MEGF6: variants seen among roughly 807,000 people sequenced by gnomAD.
MEGF6 encodes multiple EGF like domains 6, also known as multiple epidermal growth factor-like domains protein 6.
MEGF6 carries 184 observed loss-of-function variants against 207.1 expected under a neutral mutation model. That is an observed-to-expected ratio of 0.89 (90% CI 0.79 to 1.00). The LOEUF (loss-of-function observed/expected upper bound fraction) is 1.00, where lower values mean the gene tolerates loss of function less well. MEGF6 is among the 50% of genes least tolerant of loss of function. MEGF6 has a pLI of 0.00. For synonymous variants in MEGF6, 1,038 were observed against 910.0 expected (o/e 1.14, Z -2.53); for missense variants, 2,282 against 2,202.9 (o/e 1.04, Z -0.72).
chr1:3,590,542 C>T (rs899740993), intron 3 of MEGF6, among the ~76,000 whole-genome samples: 15 of 152,234 alleles, frequency 9.9e-5, no homozygotes, highest in Non-Finnish European at 2.1e-4. Flanking sequence ...AATCATAACA[C>T]GATTAGCAGC....
chr1:3,488,656 T>G lies in MEGF6; in HGVS notation c.*1872A>C, dbSNP rs1450371963. Among the ~76,000 whole-genome samples the G allele has an allele frequency of 2.0e-5, 3 of 152,244 alleles. No individual in the cohort carries two copies. The highest frequency in any genetic ancestry group is 4.8e-5 in the African/African-American group (2 of 41,454). On this transcript the variant is annotated 3_prime_UTR_variant, in exon 37 of 37. Transcript: ENST00000356575. ...GATGTAAAATTCAGCCTTCAAATATTTCCTTCAAACTCTGAGGATGGAACA... is the reference window on the plus strand; with the variant it reads ...GATGTAAAATTCAGCCTTCAAATATGTCCTTCAAACTCTGAGGATGGAACA...
At chr1:3,525,094 A>G (rs1029486119) in intron 4 of MEGF6, among the ~76,000 whole-genome samples, 1 of 152,172 alleles carries the variant, frequency 6.6e-6, no homozygotes, top group East Asian at 1.9e-4. Context: ...TGGGAAACCA[A>G]TGCAGCTGGG....
intron 10 of MEGF6, among the ~76,000 whole-genome samples, chr1:3,510,315 G>A (rs1042363835): frequency 1.3e-5 from 2 of 152,074 alleles, no homozygotes; most frequent in Non-Finnish European, 2.9e-5. Context: ...GAGGGGACAG[G>A]TCAGCACAGC....
chr1:3,538,835 AG>A (rs1207107356), intron 4 of MEGF6, among the ~76,000 whole-genome samples: 1 of 151,994 alleles, frequency 6.6e-6, no homozygotes, highest in African/African-American at 2.4e-5. Context: ...GGGCTGACAC[AG>A]CACCCGCTGG....
At chr1:3,517,299 C>T (rs751530309) in intron 5 of MEGF6, among the ~76,000 whole-genome samples, 2 of 152,198 alleles carry the variant, frequency 1.3e-5, no homozygotes, top group Non-Finnish European at 2.9e-5. Flanking sequence ...CTTCTCATCA[C>T]CCCCTCCAGA....
chr1:3,523,957 G>A (rs1338755966), intron 5 of MEGF6, among the ~76,000 whole-genome samples, 167 bp downstream of exon 5: 1 of 152,224 alleles, frequency 6.6e-6, no homozygotes, highest in Admixed American at 6.5e-5. Flanking sequence ...GGGGCAAGGT[G>A]CGGGCAGGAT....
At chr1:3,498,595 AC>A in intron 25 of MEGF6, 96 bp from the exon 26 acceptor site, 1 of 1,479,346 alleles carries the variant, frequency 6.8e-7, no homozygotes, top group Non-Finnish European at 9.0e-7. Context: ...TGAAGCCTAC[AC>A]CCCAGGGCGC....
Position 3,509,361 on chromosome 1 carries a change from C to T in MEGF6, c.1358-116G>A, listed in dbSNP as rs973750763. 81 of 834,970 alleles carry T rather than the reference C, an allele frequency of 9.7e-5. No homozygotes were observed. The African/African-American group carries it at 1.3e-3, about 13-fold the overall frequency. The allele number at this position is 834,970 out of a possible 1,614,324, so 51.7% of individuals were successfully genotyped here. A position where few individuals can be genotyped will look rare whatever the true frequency, so the allele number is the denominator to read the frequency against. Reference sequence around the variant, plus strand: ...CCCAGGGAACCCCACCACCCTCCTACTGCCTCCACTACCCCCACCTCCTCA... The same window carrying T: ...CCCAGGGAACCCCACCACCCTCCTATTGCCTCCACTACCCCCACCTCCTCA... On this transcript the variant is annotated intron_variant, in intron 11 of 36. Coordinates refer to ENST00000356575, the MANE Select transcript of MEGF6 (RefSeq NM_001409.4).
intron 4 of MEGF6, among the ~76,000 whole-genome samples, chr1:3,576,184 T>C (rs1023018798): frequency 2.0e-5 from 3 of 152,216 alleles, no homozygotes; most frequent in South Asian, 2.1e-4. Context: ...CGCCGGGCCC[T>C]CCACCCTCCG....
chr1:3,545,570 G>C (rs1642673876), intron 4 of MEGF6, among the ~76,000 whole-genome samples: 1 of 149,170 alleles, frequency 6.7e-6, no homozygotes, highest in Non-Finnish European at 1.5e-5. Flanking sequence ...CCTCATCACG[G>C]GTCTGGGAGG....
chr1:3,533,314 G>C (rs1439185093), intron 4 of MEGF6, among the ~76,000 whole-genome samples: 2 of 152,230 alleles, frequency 1.3e-5, no homozygotes, highest in East Asian at 1.9e-4. Flanking sequence ...GGCCCTGCCT[G>C]TCTGCGGGGC....
intron 1 of MEGF6, among the ~76,000 whole-genome samples, chr1:3,609,316 G>A (rs1390808925): frequency 6.6e-6 from 1 of 152,208 alleles, no homozygotes; most frequent in Non-Finnish European, 1.5e-5. Context: ...CCAGGGTCCA[G>A]CGCAGGGTCC....
chr1:3,545,286 G>A (rs1389647869), intron 4 of MEGF6, among the ~76,000 whole-genome samples: 2 of 152,186 alleles, frequency 1.3e-5, no homozygotes, highest in Non-Finnish European at 2.9e-5. Flanking sequence ...ACCAGGTAGG[G>A]GGGTCTGGTC....
chr1:3,588,448 AGGAGG>A (rs1643927800), intron 3 of MEGF6, among the ~76,000 whole-genome samples: 1 of 75,134 alleles, frequency 1.3e-5, no homozygotes. Flanking sequence ...AGGAGAGGCC[AGGAGG>A]GGGCAGGAGG....
At chr1:3,495,328 C>T (rs1640555673) in intron 30 of MEGF6, among the ~76,000 whole-genome samples, 2 of 152,202 alleles carry the variant, frequency 1.3e-5, no homozygotes, top group Admixed American at 1.3e-4. Flanking sequence ...TGGGGGCAGC[C>T]AGTCCCTTGA....
Position 3,576,367 on chromosome 1 carries a change from C to G in MEGF6, c.481+3458G>C, listed in dbSNP as rs80165401. 4.5e-3 allele frequency among the ~76,000 whole-genome samples: 680 copies of G among 152,344 alleles called. 7 individuals are homozygous for G. The highest frequency in any genetic ancestry group is 0.015 in the African/African-American group (637 of 41,572). ...GGGCAGCAGGGAGGGCTCCTTCCCCCCACTGCCCTCCATAGCTGCCCAGAG... is the reference window on the plus strand; with the variant it reads ...GGGCAGCAGGGAGGGCTCCTTCCCCGCACTGCCCTCCATAGCTGCCCAGAG... On this transcript the variant is annotated intron_variant, in intron 4 of 36. Coordinates refer to ENST00000356575, the MANE Select transcript of MEGF6 (RefSeq NM_001409.4).
intron 1 of MEGF6, among the ~76,000 whole-genome samples, chr1:3,605,152 T>TCACA (rs375263137): frequency 1.5e-5 from 1 of 68,710 alleles, no homozygotes; most frequent in African/African-American, 5.5e-5. Flanking sequence ...AGTCACACAC[T>TCACA]CACAGTCACA....
chr1:3,579,992 G>C, intron 3 of MEGF6, 63 bp from the exon 4 acceptor site: 1 of 1,227,894 alleles, frequency 8.1e-7, no homozygotes, highest in Non-Finnish European at 1.1e-6. Flanking sequence ...GGGAGGTGAG[G>C]CCTGAGGGTC....
At position 3,502,049 on chromosome 1, in the gene MEGF6, C is replaced by CGTGCCTCACATGGGCTCCTGG. The variant is rs1640912187; in HGVS notation, c.2189-129_2189-128insCCAGGAGCCCATGTGAGGCAC. On this transcript the variant is annotated intron_variant, in intron 17 of 36. Transcript: ENST00000356575. ...ATGGGCTCCTGGCGAGTGTGCCCCC[C>CGTGCCTCACATGGGCTCCTGG]CGGCGCCTCCTCACATGGGCTCCTG... The CGTGCCTCACATGGGCTCCTGG allele has an allele frequency of 4.1e-5, 19 of 465,654 alleles. 2 individuals are homozygous for CGTGCCTCACATGGGCTCCTGG. Among genetic ancestry groups the CGTGCCTCACATGGGCTCCTGG allele is most frequent in the East Asian group, 2.6e-4 (2 of 7,560 alleles). The allele number at this position is 465,654 out of a possible 1,614,324, so 28.8% of individuals were successfully genotyped here. A position where few individuals can be genotyped will look rare whatever the true frequency, so the allele number is the denominator to read the frequency against.
Sources: gnomAD v4.1 joint callset for allele counts (sites outside exome capture counted in the v4.1 genomes callset) on GRCh38, gnomAD v4.1.1 for gene constraint, MANE v1.5 for transcripts, NCBI Gene and HGNC (gene_info 2026-07-23, HGNC 2026-07-21) for gene names.